The following CNST variants were observed in gnomAD, a reference collection of about 807,000 sequenced individuals.
The protein encoded by CNST is consortin.
A neutral mutation model predicts 72.4 loss-of-function variants in CNST; 39 were observed. The observed-to-expected ratio is 0.54, with a 90% CI of 0.42 to 0.70. CNST has a LOEUF of 0.70. CNST is among the 30% of genes least tolerant of loss of function. The probability of loss-of-function intolerance (pLI) is 0.00; values close to 1 mark genes in which losing one functional copy is unlikely to be tolerated. For synonymous variants in CNST, 332 were observed against 320.1 expected (o/e 1.04, Z -0.40); for missense variants, 871 against 868.5 (o/e 1.00, Z -0.04).
chr1:246,620,615 G>GGT, intron 2 of CNST, among the ~76,000 whole-genome samples: 1 of 133,734 alleles, frequency 7.5e-6, no homozygotes, highest in Non-Finnish European at 1.6e-5. Context: ...GCATACACAC[G>GGT]ATGGGCTCTG....
chr1:246,655,907 C>T (rs142691523), intron 9 of CNST, among the ~76,000 whole-genome samples: 1 of 152,226 alleles, frequency 6.6e-6, no homozygotes, highest in East Asian at 1.9e-4. Flanking sequence ...ATAAAATGTA[C>T]ACATTTACTA....
rs929755672 is a variant in CNST, at chr1:246,601,178, A to G, written c.379+9237A>G. On this transcript the variant is annotated intron_variant, in intron 2 of 10. Coordinates refer to ENST00000366513, the MANE Select transcript of CNST (RefSeq NM_152609.3). ...AAAAATAGCAGGCGTGGTGGCATAC[A>G]TCTGTAGTCCCAGCTACTCAGGAGA... 1.3e-5 allele frequency among the ~76,000 whole-genome samples: 2 copies of G among 151,822 alleles called. 1 individual carries two copies. Among genetic ancestry groups the G allele is most frequent in the South Asian group, 4.2e-4 (2 of 4,810 alleles).
intron 4 of CNST, 188 bp downstream of exon 4, chr1:246,632,112 A>G: frequency 2.1e-6 from 1 of 479,600 alleles, no homozygotes; most frequent in Non-Finnish European, 3.7e-6. Context: ...TCTCTTCACA[A>G]AATTTCCTAG....
At chr1:246,660,445 G>C (rs567425477) in intron 10 of CNST, 111 bp downstream of exon 10, 1 of 1,215,992 alleles carries the variant, frequency 8.2e-7, no homozygotes, top group Non-Finnish European at 1.2e-6. Context: ...GACTATGTCC[G>C]CCAGGCACGG....
chr1:246,640,473 A>G (rs1448501091), intron 6 of CNST, among the ~76,000 whole-genome samples: 1 of 152,190 alleles, frequency 6.6e-6, no homozygotes, highest in Non-Finnish European at 1.5e-5. Flanking sequence ...AATAATAATA[A>G]GGCACTTACT....
At chr1:246,587,287 T>G (rs1661256997) in intron 1 of CNST, among the ~76,000 whole-genome samples, 1 of 152,236 alleles carries the variant, frequency 6.6e-6, no homozygotes, top group South Asian at 2.1e-4. Context: ...ATTCAGATAA[T>G]GCAAGCTATT....
At chr1:246,633,350 G>C (rs1202889089) in intron 4 of CNST, among the ~76,000 whole-genome samples, 2 of 152,046 alleles carry the variant, frequency 1.3e-5, no homozygotes, top group Non-Finnish European at 2.9e-5. Context: ...TCTGGAGGCT[G>C]AGGCAGGAGA....
intron 2 of CNST, among the ~76,000 whole-genome samples, chr1:246,594,496 C>T (rs1383833078): frequency 1.3e-5 from 2 of 152,224 alleles, no homozygotes; most frequent in Admixed American, 6.5e-5. Flanking sequence ...AAAGGCCAGG[C>T]GTGGTGGCTC....
intron 1 of CNST, among the ~76,000 whole-genome samples, chr1:246,567,513 T>G (rs1395318160): frequency 6.6e-6 from 1 of 152,214 alleles, no homozygotes; most frequent in Non-Finnish European, 1.5e-5. Context: ...TACAATCCTT[T>G]CTGCTTACTC....
In CNST at chr1:246,633,980, G is replaced by A. The variant is rs780207242; in HGVS notation, c.673G>A (p.Ala225Thr). The A allele has an allele frequency of 5.0e-6, 8 of 1,612,868 alleles. No homozygotes were observed. Among genetic ancestry groups the A allele is most frequent in the Non-Finnish European group, 5.1e-6 (6 of 1,178,940 alleles). ...LERLYHEQLL[A>T]NLSAIQEQWE... is the part of the protein sequence containing the mutation. The stretch of plus-strand genomic sequence containing the variant: ...ACGATTGTATCATGAGCAATTGCTC[G>A]CAAATCTTTCTGCCATTCAAGAACA... Residue 225 changes from alanine to threonine, a missense_variant, in exon 5 of 11, where the codon GCA (alanine) becomes ACA (threonine). Coordinates refer to ENST00000366513, the MANE Select transcript of CNST (RefSeq NM_152609.3).
At chr1:246,632,338 GC>G in intron 4 of CNST, 4 of 280,952 alleles carry the variant, frequency 1.4e-5, no homozygotes, top group South Asian at 9.4e-5. Context: ...GGACATTGCC[GC>G]CCCCGTGATG....
rs548813133 is a variant in CNST, at chr1:246,648,081, A to T, written c.1836+44A>T. ...ACAATTAAAAGTAAAATGGCATTTA[A>T]AAAACATATATATGTATTAAATATT... On this transcript the variant is annotated intron_variant, in intron 9 of 10. Coordinates refer to ENST00000366513, the MANE Select transcript of CNST (RefSeq NM_152609.3). The T allele has an allele frequency of 9.7e-6, 15 of 1,552,342 alleles. No individual in the cohort carries two copies. The South Asian group carries it at 1.5e-4, about 15-fold the overall frequency.
chr1:246,648,196 G>C, intron 9 of CNST, 159 bp downstream of exon 9: 1 of 1,409,502 alleles, frequency 7.1e-7, no homozygotes, highest in South Asian at 1.6e-5. Flanking sequence ...TTTTACATTT[G>C]TATGTATTGA....
intron 1 of CNST, among the ~76,000 whole-genome samples, chr1:246,585,641 CA>C (rs543693321): frequency 0.13 from 5,613 of 41,590 alleles, 335 homozygotes; most frequent in Middle Eastern, 0.17. Context: ...GACTCTGTCT[CA>C]AAAAAAAAAA....
intron 1 of CNST, among the ~76,000 whole-genome samples, chr1:246,575,418 C>T (rs977897057): frequency 5.3e-5 from 8 of 152,180 alleles, no homozygotes; most frequent in Non-Finnish European, 2.9e-5. Context: ...TATAGTACAA[C>T]ATGGATACCC....
chr1:246,663,147 A>G (rs112510103), intron 10 of CNST, among the ~76,000 whole-genome samples: 10 of 152,136 alleles, frequency 6.6e-5, no homozygotes, highest in African/African-American at 2.4e-4. Flanking sequence ...CGAGGCCAGG[A>G]GTTGGAGACC....
chr1:246,647,751 C>T lies in CNST; in HGVS notation c.1550C>T (p.Ser517Phe). 1.2e-6 allele frequency: 2 copies of T among 1,614,172 alleles called. No homozygotes were observed. Among genetic ancestry groups the T allele is most frequent in the Non-Finnish European group, 1.7e-6 (2 of 1,180,036 alleles). ...GTGCTCTGTGGAAATAATCAAATAT[C>T]TGACTTAGGCATACTGCTTCCAGAG... ...ENVLCGNNQISDLGILLPEVC... is the reference protein window; with the variant it reads ...ENVLCGNNQIFDLGILLPEVC... The change falls in exon 9 of 11, where the codon TCT becomes TTT. Residue 517 changes from serine to phenylalanine, a missense_variant. Physicochemically the swap from Ser to Phe is radical, Grantham distance 155. Transcript: ENST00000366513.
chr1:246,662,026 C>G (rs1391638261), intron 10 of CNST, among the ~76,000 whole-genome samples: 1 of 152,218 alleles, frequency 6.6e-6, no homozygotes, highest in Non-Finnish European at 1.5e-5. Flanking sequence ...TTGTAGCCAC[C>G]TCATCTTAAA....
rs532628050 is a variant in CNST, at chr1:246,590,824, T to C, written c.-51-688T>C. Among the ~76,000 whole-genome samples, 129 of 151,486 alleles carry C rather than the reference T, an allele frequency of 8.5e-4. 2 individuals are homozygous for C. Among genetic ancestry groups the C allele is most frequent in the Middle Eastern group, 3.4e-3 (1 of 290 alleles). Reference sequence around the variant, plus strand: ...CAAGCAGATTTAGCATTTCTTCCAATTCTACACTAAGAGTAGCCTAGAGTT... The same window carrying C: ...CAAGCAGATTTAGCATTTCTTCCAACTCTACACTAAGAGTAGCCTAGAGTT... On this transcript the variant is annotated intron_variant, in intron 1 of 10. Coordinates refer to ENST00000366513, the MANE Select transcript of CNST (RefSeq NM_152609.3).
Sources: gnomAD v4.1 joint callset for allele counts (sites outside exome capture counted in the v4.1 genomes callset) on GRCh38, gnomAD v4.1.1 for gene constraint, MANE v1.5 for transcripts, NCBI Gene and HGNC (gene_info 2026-07-23, HGNC 2026-07-21) for gene names.